The following MOB3B variants were observed in gnomAD, a reference collection of about 807,000 sequenced individuals.
The protein encoded by MOB3B is MOB kinase activator-like 2B.
MOB3B carries 7 observed loss-of-function variants against 18.7 expected under a neutral mutation model. The ratio of observed to expected loss-of-function variants is 0.37; its 90% confidence interval spans 0.21 to 0.70. The LOEUF (loss-of-function observed/expected upper bound fraction) is 0.70, where lower values mean the gene tolerates loss of function less well. Among genes scored for constraint, MOB3B ranks in the 30% least tolerant of loss-of-function variants. The pLI is 0.52. For missense variants in MOB3B, 253 were observed against 281.3 expected (o/e 0.90, Z 0.72); for synonymous variants, 111 against 99.9 (o/e 1.11, Z -0.66).
At chr9:27,338,704 C>T (rs576352747) in intron 3 of MOB3B, among the ~76,000 whole-genome samples, 8 of 152,340 alleles carry the variant, frequency 5.3e-5, no homozygotes, top group Non-Finnish European at 8.8e-5. Flanking sequence ...ACAGGGAGGC[C>T]ACTGTGTCGC....
intron 1 of MOB3B, among the ~76,000 whole-genome samples, chr9:27,510,128 A>T (rs1015382714): frequency 6.6e-6 from 1 of 152,238 alleles, no homozygotes; most frequent in Non-Finnish European, 1.5e-5. Flanking sequence ...TCCAACTTTC[A>T]GTGACTCATT....
chr9:27,337,912 G>A (rs2131335544), intron 3 of MOB3B, among the ~76,000 whole-genome samples: 1 of 152,286 alleles, frequency 6.6e-6, no homozygotes, highest in Non-Finnish European at 1.5e-5. Context: ...GAATCGTCCA[G>A]TTTGAAGGGC....
intron 2 of MOB3B, among the ~76,000 whole-genome samples, chr9:27,381,415 G>A (rs1433603326): frequency 2.6e-5 from 4 of 152,024 alleles, no homozygotes; most frequent in Admixed American, 6.5e-5. Context: ...CTACAAGTCT[G>A]TCTCTGCCAA....
Position 27,455,164 on chromosome 9 carries a change from G to A in MOB3B, c.387C>T (p.Ile129=). The part of the protein sequence containing the change: ...NLLMDWIEVQ[I]NNEEIFPTCV... ...ATGTTGGAAATATTTCCTCGTTGTT[G>A]ATCTGAACCTCAATCCAATCCATAA... is the stretch of plus-strand genomic sequence containing the variant. Residue 129 remains isoleucine, a synonymous_variant, in exon 2 of 4, where the codon ATC becomes ATT. Transcript: ENST00000262244. 1 of 1,614,116 alleles carries A rather than the reference G, an allele frequency of 6.2e-7. No homozygotes were observed. The highest frequency in any genetic ancestry group is 8.5e-7 in the Non-Finnish European group (1 of 1,179,998).
At chr9:27,466,940 C>A (rs979672443) in intron 1 of MOB3B, among the ~76,000 whole-genome samples, 4 of 152,082 alleles carry the variant, frequency 2.6e-5, no homozygotes, top group African/African-American at 9.7e-5. Context: ...AGAGATCCTG[C>A]CAGAAGGATT....
intron 1 of MOB3B, among the ~76,000 whole-genome samples, chr9:27,499,784 T>C (rs538633718): frequency 6.6e-6 from 1 of 152,228 alleles, no homozygotes; most frequent in South Asian, 2.1e-4. Flanking sequence ...AGAAAAACAA[T>C]GTATCTAATA....
intron 2 of MOB3B, among the ~76,000 whole-genome samples, chr9:27,403,975 T>C (rs1202234641): frequency 1.3e-5 from 2 of 152,190 alleles, no homozygotes; most frequent in Non-Finnish European, 2.9e-5. Flanking sequence ...TTGAAATACA[T>C]GCTAAATTAT....
At chr9:27,470,448 C>A (rs1683511262) in intron 1 of MOB3B, among the ~76,000 whole-genome samples, 1 of 152,166 alleles carries the variant, frequency 6.6e-6, no homozygotes, top group Non-Finnish European at 1.5e-5. Flanking sequence ...TAAATCCCTG[C>A]CCCTGCCCTT....
In MOB3B at chr9:27,522,262, A is replaced by AAAAAG. The variant is rs1489686592; in HGVS notation, c.-199+7288_-199+7292dup. The stretch of plus-strand genomic sequence containing the variant: ...TCTCACAAAAAAAAAAAAAAAAAAA[A>AAAAAG]AAAAGAAAAGAAAGAAAGAAAGAAA... On this transcript the variant is annotated intron_variant, in intron 1 of 3. Coordinates refer to ENST00000262244, the MANE Select transcript of MOB3B (RefSeq NM_024761.5). Among the ~76,000 whole-genome samples the AAAAAG allele has an allele frequency of 3.0e-4, 38 of 126,056 alleles. 1 individual carries two copies. Among genetic ancestry groups the AAAAAG allele is most frequent in the South Asian group, 1.9e-3 (8 of 4,190 alleles). 82.7% of individuals were successfully genotyped at this position (126,056 alleles called of 152,430 possible).
At chr9:27,343,700 CTTTT>C (rs58115889) in intron 3 of MOB3B, among the ~76,000 whole-genome samples, 10 of 123,950 alleles carry the variant, frequency 8.1e-5, no homozygotes, top group Non-Finnish European at 6.6e-5. Flanking sequence ...GAATTTTAGC[CTTTT>C]TTTTTTTTTT....
intron 2 of MOB3B, among the ~76,000 whole-genome samples, chr9:27,425,888 A>AT (rs1404214489): frequency 6.6e-6 from 1 of 152,188 alleles, no homozygotes; most frequent in Admixed American, 6.5e-5. Context: ...AGGGCCTGAA[A>AT]TGAGGGACTG....
chr9:27,360,169 C>T (rs1325474632), intron 2 of MOB3B, among the ~76,000 whole-genome samples: 1 of 152,094 alleles, frequency 6.6e-6, no homozygotes, highest in Non-Finnish European at 1.5e-5. Flanking sequence ...TTGATAATGT[C>T]CTCCCTTTTC....
chr9:27,410,390 G>A (rs772575691), intron 2 of MOB3B, among the ~76,000 whole-genome samples: 11 of 152,122 alleles, frequency 7.2e-5, no homozygotes, highest in Non-Finnish European at 1.5e-4. Context: ...TGGGAATATT[G>A]GAAACTGACA....
intron 1 of MOB3B, among the ~76,000 whole-genome samples, chr9:27,508,385 C>T (rs780461602): frequency 1.8e-4 from 27 of 152,076 alleles, no homozygotes; most frequent in Non-Finnish European, 3.5e-4. Context: ...ACAGAAGCTT[C>T]TCCAGAAGCT....
intron 3 of MOB3B, among the ~76,000 whole-genome samples, chr9:27,350,019 A>G (rs1364014235): frequency 1.3e-5 from 2 of 152,216 alleles, no homozygotes; most frequent in African/African-American, 4.8e-5. Context: ...AATGTTCAGT[A>G]TCTGTGATAT....
chr9:27,461,436 C>T (rs1284426905), intron 1 of MOB3B, among the ~76,000 whole-genome samples: 1 of 152,196 alleles, frequency 6.6e-6, no homozygotes, highest in Admixed American at 6.5e-5. Flanking sequence ...TTTTCCCCAA[C>T]GAATTCAACT....
At chr9:27,361,138 T>C (rs1821269468) in intron 2 of MOB3B, among the ~76,000 whole-genome samples, 1 of 152,208 alleles carries the variant, frequency 6.6e-6, no homozygotes, top group African/African-American at 2.4e-5. Context: ...ACATATGTTG[T>C]CTTCACAATG....
chr9:27,416,545 T>C (rs1277498869), intron 2 of MOB3B, among the ~76,000 whole-genome samples: 2 of 3,782 alleles, frequency 5.3e-4, no homozygotes. Context: ...TTCTTTTTAA[T>C]TTTTTTTTTT....
intron 1 of MOB3B, among the ~76,000 whole-genome samples, chr9:27,519,042 G>A (rs559284519): frequency 2.0e-5 from 3 of 152,326 alleles, no homozygotes; most frequent in African/African-American, 7.2e-5. Context: ...ATCCCAAGGA[G>A]AATGCACCAG....
Sources: gnomAD v4.1 joint callset for allele counts (sites outside exome capture counted in the v4.1 genomes callset) on GRCh38, gnomAD v4.1.1 for gene constraint, MANE v1.5 for transcripts, NCBI Gene and HGNC (gene_info 2026-07-23, HGNC 2026-07-21) for gene names.